SLC22A23: variants seen among roughly 807,000 people sequenced by gnomAD.
SLC22A23 encodes the protein solute carrier family 22 member 23, also known as ion transporter protein.
SLC22A23 carries 26 observed loss-of-function variants against 61.0 expected under a neutral mutation model. The ratio of observed to expected loss-of-function variants is 0.43; its 90% CI spans 0.31 to 0.59. SLC22A23 has a LOEUF of 0.59. SLC22A23 is among the 20% of genes least tolerant of loss of function. The pLI is 0.11. For missense variants in SLC22A23, 796 were observed against 934.7 expected (o/e 0.85, Z 1.94); for synonymous variants, 430 against 413.9 (o/e 1.04, Z -0.47).
intron 1 of SLC22A23, among the ~76,000 whole-genome samples, chr6:3,433,752 G>A (rs1771021502): frequency 6.6e-6 from 1 of 152,184 alleles, no homozygotes; most frequent in Admixed American, 6.5e-5. Flanking sequence ...AATGTGCACA[G>A]TACCATTCAG....
chr6:3,375,272 C>A (rs1446477039), intron 3 of SLC22A23, among the ~76,000 whole-genome samples: 2 of 152,172 alleles, frequency 1.3e-5, no homozygotes, highest in African/African-American at 4.8e-5. Flanking sequence ...TTTCAGTACT[C>A]CCAGATTCAA....
At chr6:3,315,893 A>G (rs1762613097) in intron 4 of SLC22A23, among the ~76,000 whole-genome samples, 1 of 151,842 alleles carries the variant, frequency 6.6e-6, no homozygotes, top group Admixed American at 6.6e-5. Flanking sequence ...AAGAAAAGAA[A>G]AGTGTGTGTC....
At chr6:3,392,422 T>C (rs1322267568) in intron 3 of SLC22A23, among the ~76,000 whole-genome samples, 1 of 152,244 alleles carries the variant, frequency 6.6e-6, no homozygotes, top group African/African-American at 2.4e-5. Flanking sequence ...TATTGCTAAC[T>C]ATATAGACAG....
intron 3 of SLC22A23, among the ~76,000 whole-genome samples, chr6:3,365,127 T>C (rs1167178914): frequency 1.3e-5 from 2 of 152,202 alleles, no homozygotes. Context: ...GAGATCAATC[T>C]GGTCAACATG....
intron 1 of SLC22A23, among the ~76,000 whole-genome samples, chr6:3,431,513 T>C (rs998816556): frequency 2.6e-5 from 4 of 152,182 alleles, no homozygotes; most frequent in African/African-American, 9.7e-5. Context: ...AATTAACAGG[T>C]TGAAGTTATG....
chr6:3,428,946 A>C (rs1425325816), intron 1 of SLC22A23, among the ~76,000 whole-genome samples: 1 of 149,966 alleles, frequency 6.7e-6, no homozygotes, highest in Non-Finnish European at 1.5e-5. Context: ...GTGCATCATG[A>C]GTCCTGAAGA....
chr6:3,305,895 T>A lies in SLC22A23; in HGVS notation c.1083-7677A>T, dbSNP rs184466586. Among the ~76,000 whole-genome samples the A allele has an allele frequency of 3.0e-3, 451 of 152,280 alleles. 2 individuals are homozygous for A. The highest frequency in any genetic ancestry group is 0.01 in the African/African-American group (423 of 41,560). On this transcript the variant is annotated intron_variant, in intron 4 of 9. Transcript: ENST00000406686. ...AGAGTGGCTGTGGCCAGGATGGCAG[T>A]GCAAGAGGAGAGGTGCAAACTGGAG...
chr6:3,412,737 G>A (rs1221237031), intron 2 of SLC22A23, among the ~76,000 whole-genome samples: 1 of 152,178 alleles, frequency 6.6e-6, no homozygotes, highest in Admixed American at 6.5e-5. Flanking sequence ...TGACTTTCCA[G>A]GTAGGTCCAA....
chr6:3,280,482 A>C (rs1031720012), intron 9 of SLC22A23, among the ~76,000 whole-genome samples: 1 of 139,846 alleles, frequency 7.2e-6, no homozygotes, highest in Non-Finnish European at 1.5e-5. Flanking sequence ...GACATTTTTA[A>C]GACACAACTT....
intron 4 of SLC22A23, among the ~76,000 whole-genome samples, chr6:3,307,031 T>A (rs192733712): frequency 1.3e-5 from 2 of 152,340 alleles, no homozygotes; most frequent in African/African-American, 4.8e-5. Flanking sequence ...GGATTCCTCC[T>A]CTAGGGTAAG....
intron 1 of SLC22A23, among the ~76,000 whole-genome samples, chr6:3,441,742 C>T (rs2127551724): frequency 6.6e-6 from 1 of 152,338 alleles, no homozygotes; most frequent in South Asian, 2.1e-4. Flanking sequence ...CTGCCCCGCT[C>T]ATCCTGTGCC....
chr6:3,446,244 G>A (rs985078836), intron 1 of SLC22A23, among the ~76,000 whole-genome samples: 3 of 152,176 alleles, frequency 2.0e-5, no homozygotes, highest in African/African-American at 4.8e-5. Flanking sequence ...CCACTCTGGG[G>A]CAGAGGATAA....
At chr6:3,353,692 A>G (rs542060975) in intron 3 of SLC22A23, among the ~76,000 whole-genome samples, 16 of 152,274 alleles carry the variant, frequency 1.1e-4, no homozygotes, top group Admixed American at 7.8e-4. Context: ...CGAAGCTGTG[A>G]TGTGGCTCTT....
At chr6:3,345,870 G>A (rs1366692225) in intron 3 of SLC22A23, among the ~76,000 whole-genome samples, 1 of 152,132 alleles carries the variant, frequency 6.6e-6, no homozygotes, top group African/African-American at 2.4e-5. Flanking sequence ...TTTTGTTTTT[G>A]TTTCAGTTTT....
chr6:3,427,245 C>T lies in SLC22A23; in HGVS notation c.655-11390G>A, dbSNP rs1304453228. ...AATAACATCGGGAATGCGCCTGGTG[C>T]AGTAACCGGCACAAAGTGATTATTA... is the stretch of plus-strand genomic sequence containing the variant. On this transcript the variant is annotated intron_variant, in intron 1 of 9. Coordinates refer to ENST00000406686, the MANE Select transcript of SLC22A23 (RefSeq NM_015482.2). The surrounding 1 kb of genome is among the most constrained non-coding windows in gnomAD (Gnocchi z 4.3). 4.6e-5 allele frequency among the ~76,000 whole-genome samples: 7 copies of T among 152,132 alleles called. No homozygotes were observed. The highest frequency in any genetic ancestry group is 1.0e-4 in the Non-Finnish European group (7 of 68,022).
intron 3 of SLC22A23, among the ~76,000 whole-genome samples, chr6:3,347,434 C>T (rs956994081): frequency 6.6e-6 from 1 of 152,096 alleles, no homozygotes; most frequent in Admixed American, 6.5e-5. Flanking sequence ...CACGGCTGAC[C>T]TCTGAGAGCT....
intron 1 of SLC22A23, among the ~76,000 whole-genome samples, chr6:3,438,100 G>C (rs1015528459): frequency 2.0e-5 from 3 of 152,126 alleles, no homozygotes; most frequent in Non-Finnish European, 4.4e-5. Flanking sequence ...GCCCCTGCCA[G>C]GACACCCAGC....
chr6:3,284,641 C>T lies in SLC22A23; in HGVS notation c.1579+438G>A, dbSNP rs1759799419. 2.0e-5 allele frequency among the ~76,000 whole-genome samples: 3 copies of T among 152,204 alleles called. 1 individual carries two copies. Among genetic ancestry groups the T allele is most frequent in the Admixed American group, 1.3e-4 (2 of 15,280 alleles). Reference sequence around the variant, plus strand: ...GCAGCAGCTTCGAGGTGCAGGGCGGCACTGTGCTGTCCCCATGGGCTGCAG... The same window carrying T: ...GCAGCAGCTTCGAGGTGCAGGGCGGTACTGTGCTGTCCCCATGGGCTGCAG... On this transcript the variant is annotated intron_variant, in intron 8 of 9. Transcript: ENST00000406686.
chr6:3,310,896 T>C (rs1762332713), intron 4 of SLC22A23, among the ~76,000 whole-genome samples: 1 of 152,248 alleles, frequency 6.6e-6, no homozygotes, highest in African/African-American at 2.4e-5. Context: ...GGAAATAAGA[T>C]GAACTGCCCA....
Sources: gnomAD v4.1 joint callset for allele counts (sites outside exome capture counted in the v4.1 genomes callset) on GRCh38, gnomAD v4.1.1 for gene constraint, Gnocchi (gnomAD v3.1) non-coding constraint, MANE v1.5 for transcripts, NCBI Gene and HGNC (gene_info 2026-07-23, HGNC 2026-07-21) for gene names.